Variants in SPIRE1 observed in about 807,000 individuals in gnomAD.
SPIRE1 encodes protein spire homolog 1.
Under a neutral mutation model 94.1 loss-of-function variants are expected in SPIRE1, and 40 were observed. That is an observed-to-expected ratio of 0.43 (90% CI 0.33 to 0.55). The LOEUF (loss-of-function observed/expected upper bound fraction) is 0.55, where lower values mean the gene tolerates loss of function less well. SPIRE1 is among the 20% of genes least tolerant of loss of function. SPIRE1 has a pLI of 0.06. For missense variants in SPIRE1, 838 were observed against 975.2 expected, an observed-to-expected ratio of 0.86 and a Z score of 1.87; for synonymous variants, 376 against 371.7, an observed-to-expected ratio of 1.01 and a Z score of -0.13.
chr18:12,573,168 T>C (rs887698339), intron 2 of SPIRE1, among the ~76,000 whole-genome samples: 4 of 152,158 alleles, frequency 2.6e-5, no homozygotes, highest in Non-Finnish European at 4.4e-5. Context: ...AATTATATAA[T>C]AGGCAAATAA....
intron 6 of SPIRE1, among the ~76,000 whole-genome samples, chr18:12,502,818 C>T (rs1356431206): frequency 1.3e-5 from 2 of 151,954 alleles, no homozygotes; most frequent in Non-Finnish European, 2.9e-5. Flanking sequence ...AAGGAAATAC[C>T]CCATGTGGGT....
intron 8 of SPIRE1, among the ~76,000 whole-genome samples, chr18:12,487,379 C>T (rs924724024): frequency 4.0e-5 from 6 of 150,756 alleles, no homozygotes; most frequent in Admixed American, 2.7e-4. Flanking sequence ...AGAAGACTAC[C>T]GTAATTATCA....
At chr18:12,623,489 T>C (rs1234462623) in intron 2 of SPIRE1, among the ~76,000 whole-genome samples, 2 of 152,080 alleles carry the variant, frequency 1.3e-5, no homozygotes, top group Non-Finnish European at 2.9e-5. Context: ...TGAATAAATG[T>C]ACTTTGAAAA....
chr18:12,580,112 A>G (rs2036216587), intron 2 of SPIRE1, among the ~76,000 whole-genome samples: 1 of 152,178 alleles, frequency 6.6e-6, no homozygotes, highest in Non-Finnish European at 1.5e-5. Context: ...CCTTCTGGTT[A>G]TTTCTGAAGT....
At chr18:12,594,080 C>T (rs9959759) in intron 2 of SPIRE1, among the ~76,000 whole-genome samples, 54,944 of 151,964 alleles carry the variant, frequency 0.36, 10,699 homozygotes, top group East Asian at 0.59. Flanking sequence ...GTCCGGGAAA[C>T]GATCCAAGAA....
chr18:12,634,020 G>A (rs963321949), intron 2 of SPIRE1, among the ~76,000 whole-genome samples: 6 of 152,140 alleles, frequency 3.9e-5, no homozygotes, highest in East Asian at 1.9e-4. Flanking sequence ...AGGCCGAGGC[G>A]GGCGGATCAC....
At chr18:12,589,263 C>T (rs1381109137) in intron 2 of SPIRE1, among the ~76,000 whole-genome samples, 1 of 152,126 alleles carries the variant, frequency 6.6e-6, no homozygotes, top group African/African-American at 2.4e-5. Context: ...AACTCAAACC[C>T]AGGTCTTTCT....
intron 4 of SPIRE1, among the ~76,000 whole-genome samples, chr18:12,534,213 C>T (rs2034773536): frequency 6.6e-6 from 1 of 152,132 alleles, no homozygotes; most frequent in Non-Finnish European, 1.5e-5. Context: ...CTGAGACATC[C>T]ATCACCTACT....
intron 11 of SPIRE1, among the ~76,000 whole-genome samples, chr18:12,463,737 T>G (rs938751144): frequency 6.6e-6 from 1 of 152,186 alleles, no homozygotes; most frequent in Admixed American, 6.6e-5. Flanking sequence ...GCCAGAAAGA[T>G]TCCCAAATCA....
intron 2 of SPIRE1, among the ~76,000 whole-genome samples, chr18:12,631,416 A>G (rs987793223): frequency 6.6e-6 from 1 of 151,970 alleles, no homozygotes; most frequent in Non-Finnish European, 1.5e-5. Context: ...GTCAGGCTCA[A>G]TGAAAGCCAC....
At position 12,657,519 on chromosome 18, in the gene SPIRE1, G is replaced by A. The variant is rs2038584371; in HGVS notation, c.337+11C>T. The A allele has an allele frequency of 1.3e-5, 16 of 1,230,138 alleles. No homozygotes were observed. In the South Asian group the frequency reaches 2.7e-4, roughly 21 times the overall value. 76.2% of individuals were successfully genotyped at this position (1,230,138 alleles called of 1,614,324 possible). A position where few individuals can be genotyped will look rare whatever the true frequency, so the allele number is the denominator to read the frequency against. On this transcript the variant is annotated intron_variant, in intron 1 of 16. Coordinates refer to ENST00000409402, the MANE Select transcript of SPIRE1 (RefSeq NM_001128626.2). ...CAAGAACTACGAGGGAAAGGGGCCC[G>A]GCGGCCTCACCCGCAACTGGGGGCG...
intron 2 of SPIRE1, among the ~76,000 whole-genome samples, chr18:12,599,512 C>T (rs12455909): frequency 0.39 from 59,061 of 152,084 alleles, 12,152 homozygotes; most frequent in East Asian, 0.59. Context: ...GATCCTCCCA[C>T]CTTGACCTCC....
At chr18:12,541,688 T>C (rs1428212247) in intron 3 of SPIRE1, among the ~76,000 whole-genome samples, 2 of 152,160 alleles carry the variant, frequency 1.3e-5, no homozygotes, top group Non-Finnish European at 1.5e-5. Context: ...GCTTTCTATG[T>C]CCTATTTATA....
In SPIRE1 at chr18:12,446,685, G is replaced by C. The variant is rs889268892; in HGVS notation, c.*2953C>G. On this transcript the variant is annotated 3_prime_UTR_variant, in exon 17 of 17. Coordinates refer to ENST00000409402, the MANE Select transcript of SPIRE1 (RefSeq NM_001128626.2). ...CACATTTCTCTATGGTCCTTCAACA[G>C]TTTTGCATATACAAAATTTTCTGCT... 1.3e-5 allele frequency: 2 copies of C among 151,756 alleles called. No individual in the cohort carries two copies. The highest frequency in any genetic ancestry group is 2.1e-4 in the South Asian group (1 of 4,796). The allele number at this position is 151,756 out of a possible 1,614,324, so 9.4% of individuals were successfully genotyped here. A position where few individuals can be genotyped will look rare whatever the true frequency, so the allele number is the denominator to read the frequency against.
At chr18:12,484,513 A>G (rs17524618) in intron 9 of SPIRE1, among the ~76,000 whole-genome samples, 6,890 of 152,330 alleles carry the variant, frequency 0.045, 239 homozygotes, top group African/African-American at 0.083. Context: ...GTTGGAAACT[A>G]GCTTTGTAGC....
Position 12,506,465 on chromosome 18 carries a change from T to C in SPIRE1, c.972+12A>G. 6.2e-7 allele frequency: 1 copy of C among 1,613,616 alleles called. No homozygotes were observed. Among genetic ancestry groups the C allele is most frequent in the Non-Finnish European group, 8.5e-7 (1 of 1,179,628 alleles). Reference sequence around the variant, plus strand: ...TGAGCCACATGCCCGGCCTGACAGCTTGGTTACTTACCATCACTTTTCGCA... The same window carrying C: ...TGAGCCACATGCCCGGCCTGACAGCCTGGTTACTTACCATCACTTTTCGCA... On this transcript the variant is annotated intron_variant, in intron 6 of 16. Coordinates refer to ENST00000409402, the MANE Select transcript of SPIRE1 (RefSeq NM_001128626.2).
intron 1 of SPIRE1, among the ~76,000 whole-genome samples, chr18:12,646,977 G>C (rs1189027571): frequency 6.6e-6 from 1 of 151,448 alleles, no homozygotes; most frequent in African/African-American, 2.4e-5. Context: ...CCAGAAGGTG[G>C]AGGCTGCAGT....
At chr18:12,601,766 T>G (rs1251814648) in intron 2 of SPIRE1, among the ~76,000 whole-genome samples, 1 of 152,170 alleles carries the variant, frequency 6.6e-6, no homozygotes, top group African/African-American at 2.4e-5. Flanking sequence ...CAGTGCCTGT[T>G]TTCGAGGTTC....
chr18:12,480,878 G>A (rs746398506), intron 9 of SPIRE1, among the ~76,000 whole-genome samples: 8 of 152,144 alleles, frequency 5.3e-5, no homozygotes, highest in Non-Finnish European at 1.0e-4. Context: ...AGCAGTTACC[G>A]CATGATGTAA....
Sources: allele counts gnomAD v4.1 joint callset (sites outside exome capture counted in the v4.1 genomes callset), GRCh38; gene constraint gnomAD v4.1.1; transcripts MANE v1.5; gene names NCBI Gene and HGNC (gene_info 2026-07-23, HGNC 2026-07-21).